Variants in TCP11L1 observed in about 807,000 individuals in gnomAD.
The protein encoded by TCP11L1 is t-complex 11 like 1, also known as T-complex protein 11-like protein 1.
A neutral mutation model predicts 48.9 loss-of-function variants in TCP11L1; 28 were observed. That is an observed-to-expected ratio of 0.57 (90% CI 0.42 to 0.78). TCP11L1 has a LOEUF of 0.78. Among genes scored for constraint, TCP11L1 ranks in the 30% least tolerant of loss-of-function variants. The probability of loss-of-function intolerance (pLI) is 0.00; values close to 1 mark genes in which losing one functional copy is unlikely to be tolerated. For synonymous variants in TCP11L1, 204 were observed against 231.9 expected, an observed-to-expected ratio of 0.88 and a Z score of 1.09; for missense variants, 505 against 613.4, an observed-to-expected ratio of 0.82 and a Z score of 1.87.
intron 1 of TCP11L1, among the ~76,000 whole-genome samples, chr11:33,041,622 G>A (rs1030286231): frequency 6.6e-6 from 1 of 151,904 alleles, no homozygotes; most frequent in Non-Finnish European, 1.5e-5. Context: ...GTGGTGGTGG[G>A]CGCCTATAAT....
intron 3 of TCP11L1, among the ~76,000 whole-genome samples, chr11:33,056,322 G>T (rs1854308094): frequency 6.6e-6 from 1 of 152,146 alleles, no homozygotes; most frequent in South Asian, 2.1e-4. Context: ...TGTTGGCCAG[G>T]CTGGTCTTGA....
At chr11:33,041,860 C>T (rs556944673) in intron 1 of TCP11L1, among the ~76,000 whole-genome samples, 6 of 152,288 alleles carry the variant, frequency 3.9e-5, no homozygotes, top group African/African-American at 1.4e-4. Flanking sequence ...GGTGATTCTT[C>T]ACCTCTCTCT....
intron 2 of TCP11L1, among the ~76,000 whole-genome samples, chr11:33,053,566 G>C (rs1319435489): frequency 6.6e-6 from 1 of 152,196 alleles, no homozygotes; most frequent in Admixed American, 6.5e-5. Flanking sequence ...TGCAGCAGTC[G>C]ATACAGAAGT....
intron 1 of TCP11L1, chr11:33,041,224 A>C (rs957374461): frequency 6.6e-6 from 1 of 152,234 alleles, no homozygotes; most frequent in African/African-American, 2.4e-5. Flanking sequence ...ACTGCACAGA[A>C]TGAATTACTT....
intron 6 of TCP11L1, among the ~76,000 whole-genome samples, chr11:33,060,358 T>C (rs553251540): frequency 1.2e-4 from 18 of 152,156 alleles, no homozygotes; most frequent in African/African-American, 4.3e-4. Flanking sequence ...GCTGGGGGGT[T>C]ACGGAGAATA....
In TCP11L1 at chr11:33,073,123, G is replaced by A. The variant is rs1252710719; in HGVS notation, c.*447G>A. ...CCTTGTCCCTCACCCCTCCCTTCTG[G>A]TATTTTTGTTAGAAGGGCTATATAA... On this transcript the variant is annotated 3_prime_UTR_variant, in exon 10 of 10. Transcript: ENST00000334274. 3 of 171,014 alleles carry A rather than the reference G, an allele frequency of 1.8e-5. No homozygotes were observed. Among genetic ancestry groups the A allele is most frequent in the African/African-American group, 7.2e-5 (3 of 41,880 alleles). The allele number at this position is 171,014 out of a possible 1,614,324, so 10.6% of individuals were successfully genotyped here. A position where few individuals can be genotyped will look rare whatever the true frequency, so the allele number is the denominator to read the frequency against.
At chr11:33,055,223 G>A (rs1854277080) in intron 3 of TCP11L1, among the ~76,000 whole-genome samples, 1 of 152,204 alleles carries the variant, frequency 6.6e-6, no homozygotes, top group Admixed American at 6.5e-5. Flanking sequence ...TAAAATATTG[G>A]GGAGGGGGGA....
chr11:33,061,604 C>G lies in TCP11L1; in HGVS notation c.850C>G (p.Leu284Val). Residue 284 changes from leucine (L) to valine (V), a missense_variant, in exon 7 of 10, where the codon CTG becomes GTG. Leu to Val is a conservative substitution (Grantham distance 32, BLOSUM62 1). Around this residue, in one of 3 missense-constraint regions of TCP11L1, gnomAD observed 335 missense variants for 413.3 expected, o/e 0.81. Coordinates refer to ENST00000334274, the MANE Select transcript of TCP11L1 (RefSeq NM_018393.4). The stretch of plus-strand genomic sequence containing the variant: ...TATGACTCAGAAGTATAAACACGCC[C>G]TGCCAGTGGGGGGAATGGCTGCTGG... ...DLMTQKYKHA[L>V]PVGGMAAGSG... is the part of the protein sequence containing the mutation. 6.2e-7 allele frequency: 1 copy of G among 1,612,968 alleles called. No individual in the cohort carries two copies. The highest frequency in any genetic ancestry group is 8.5e-7 in the Non-Finnish European group (1 of 1,179,564).
chr11:33,053,919 G>A (rs575722487), intron 2 of TCP11L1, among the ~76,000 whole-genome samples: 9 of 151,990 alleles, frequency 5.9e-5, no homozygotes, highest in African/African-American at 1.4e-4. Flanking sequence ...AGGTTCAAGC[G>A]ATCCTCCAGC....
At chr11:33,048,439 A>C (rs1854062632) in intron 2 of TCP11L1, among the ~76,000 whole-genome samples, 1 of 152,212 alleles carries the variant, frequency 6.6e-6, no homozygotes, top group Non-Finnish European at 1.5e-5. Flanking sequence ...GTTTTCATTT[A>C]TGAAATTGGT....
chr11:33,069,870 G>T (rs779858426), intron 9 of TCP11L1, among the ~76,000 whole-genome samples: 18 of 152,148 alleles, frequency 1.2e-4, no homozygotes, highest in Non-Finnish European at 2.1e-4. Context: ...GCCTCCCAAA[G>T]TGCTGGGGTT....
chr11:33,065,866 C>T lies in TCP11L1; in HGVS notation c.1009C>T (p.Gln337Ter). Residue 337 changes from glutamine (Q) to a stop codon, truncating the protein, a stop_gained, in exon 8 of 10, where the codon CAG (glutamine) becomes TAG (stop). Transcript: ENST00000334274. LOFTEE classifies it high-confidence loss of function. ...LMDQSRFHEL[Q>*]LQLEQLTILG... ...GGACCAGTCTCGCTTCCACGAGCTC[C>T]AGTTGCAGCTGGAACAACTGACCAT... is the stretch of plus-strand genomic sequence containing the variant. 6.2e-7 allele frequency: 1 copy of T among 1,614,106 alleles called. No individual in the cohort carries two copies. The highest frequency in any genetic ancestry group is 1.1e-5 in the South Asian group (1 of 91,074).
At position 33,043,858 on chromosome 11, in the gene TCP11L1, G is replaced by C; in HGVS notation, c.85G>C (p.Val29Leu). 6.2e-7 allele frequency: 1 copy of C among 1,614,008 alleles called. No homozygotes were observed. The highest frequency in any genetic ancestry group is 8.5e-7 in the Non-Finnish European group (1 of 1,179,938). The change falls in exon 2 of 10, where the codon GTG becomes CTG. Residue 29 changes from valine (V) to leucine (L), a missense_variant. Around this residue, in one of 3 missense-constraint regions of TCP11L1, gnomAD observed 168 missense variants for 183.5 expected, o/e 0.92. Coordinates refer to ENST00000334274, the MANE Select transcript of TCP11L1 (RefSeq NM_018393.4). The part of the protein sequence containing the change: ...NDSEEGLEDA[V>L]EGADEALQKA... The stretch of plus-strand genomic sequence containing the variant: ...TTCTGAGGAAGGCCTCGAAGATGCT[G>C]TGGAAGGTGCTGATGAAGCCTTACA...
At chr11:33,064,172 C>T (rs1437468976) in intron 7 of TCP11L1, among the ~76,000 whole-genome samples, 2 of 152,036 alleles carry the variant, frequency 1.3e-5, no homozygotes, top group Admixed American at 6.6e-5. Context: ...AGAAAAGAAA[C>T]GCTGTGGGGA....
chr11:33,040,110 C>CT (rs72407403), intron 1 of TCP11L1: 29 of 150,738 alleles, frequency 1.9e-4, no homozygotes, highest in Non-Finnish European at 2.5e-4. Flanking sequence ...GACAGAGCCC[C>CT]TTTTTTCTTT....
At chr11:33,071,715 C>T (rs1196932731) in intron 9 of TCP11L1, among the ~76,000 whole-genome samples, 10 of 152,196 alleles carry the variant, frequency 6.6e-5, no homozygotes, top group Non-Finnish European at 1.5e-4. Context: ...ACCTGTAATT[C>T]CTGCTTTAAT....
At chr11:33,055,493 A>C (rs923653617) in intron 3 of TCP11L1, among the ~76,000 whole-genome samples, 1 of 152,202 alleles carries the variant, frequency 6.6e-6, no homozygotes, top group Admixed American at 6.5e-5. Flanking sequence ...ATATTTTGTT[A>C]ATCAGAATTT....
At position 33,054,622 on chromosome 11, in the gene TCP11L1, G is replaced by C. The variant is rs745711394; in HGVS notation, c.193G>C (p.Glu65Gln). ...SSPPRFVTVE[E>Q]LLETARGVTN... ...TCCTCCTCGCTTTGTGACAGTAGAA[G>C]AACTTCTAGAGACAGCGAGAGGTGT... Residue 65 changes from glutamate (E) to glutamine (Q), a missense_variant, in exon 3 of 10, where the codon GAA becomes CAA. This residue lies in a region of TCP11L1 where 168 missense variants were observed against 183.5 expected (regional missense o/e 0.92). Transcript: ENST00000334274. The C allele has an allele frequency of 6.2e-7, 1 of 1,613,500 alleles. No individual in the cohort carries two copies. Among genetic ancestry groups the C allele is most frequent in the Non-Finnish European group, 8.5e-7 (1 of 1,179,840 alleles).
At chr11:33,070,663 C>T (rs1277609730) in intron 9 of TCP11L1, among the ~76,000 whole-genome samples, 1 of 83,976 alleles carries the variant, frequency 1.2e-5, no homozygotes, top group South Asian at 3.5e-4. Flanking sequence ...CCAGCCTGGG[C>T]AATAAGAGCT....
Sources: gnomAD v4.1 joint callset for allele counts (sites outside exome capture counted in the v4.1 genomes callset) on GRCh38, gnomAD v4.1.1 for gene constraint, gnomAD v4.1.1 regional missense constraint, MANE v1.5 for transcripts, NCBI Gene and HGNC (gene_info 2026-07-23, HGNC 2026-07-21) for gene names.